The following MCRIP2 variants were observed in gnomAD, a reference collection of about 807,000 sequenced individuals.
MCRIP2 encodes the protein MAPK regulated co-repressor interacting protein 2.
MCRIP2 carries 21 observed loss-of-function variants against 23.2 expected under a neutral mutation model. That is an observed-to-expected ratio of 0.90 (90% CI 0.64 to 1.30). The LOEUF (loss-of-function observed/expected upper bound fraction) is 1.30. Ranked by LOEUF, MCRIP2 falls within the 50% of genes most tolerant of loss-of-function variation. The pLI is 0.00. For synonymous variants in MCRIP2, 121 were observed against 100.2 expected (o/e 1.21, Z -1.24); for missense variants, 234 against 223.2 (o/e 1.05, Z -0.31).
intron 2 of MCRIP2, among the ~76,000 whole-genome samples, chr16:643,823 C>T (rs1297225663): frequency 1.3e-5 from 2 of 152,170 alleles, no homozygotes; most frequent in African/African-American, 4.8e-5. Context: ...TGAGCTACCG[C>T]GCCCGGCCTG....
In MCRIP2 at chr16:647,530, G is replaced by A. The variant is rs748945838; in HGVS notation, c.296G>A (p.Arg99His). 5 of 1,613,236 alleles carry A rather than the reference G, an allele frequency of 3.1e-6. No homozygotes were observed. The highest frequency in any genetic ancestry group is 2.7e-5 in the African/African-American group (2 of 74,940). Residue 99 changes from arginine (R) to histidine (H), a missense_variant, in exon 3 of 5, where the codon CGC becomes CAC. Arg to His is a conservative substitution (Grantham distance 29). Coordinates refer to ENST00000307650, the MANE Select transcript of MCRIP2 (RefSeq NM_138418.4). ...TYTVAHEENV[R>H]FVSEAWQQVQ... ...ACAGTGGCCCACGAGGAGAATGTCCGCTTTGTGTCCGAAGGTAGCGAGCGG... is the reference window on the plus strand; with the variant it reads ...ACAGTGGCCCACGAGGAGAATGTCCACTTTGTGTCCGAAGGTAGCGAGCGG...
chr16:642,016 A>T lies in MCRIP2; in HGVS notation c.25A>T (p.Ser9Cys). 7.5e-7 allele frequency: 1 copy of T among 1,327,906 alleles called. No individual in the cohort carries two copies. The highest frequency in any genetic ancestry group is 9.6e-7 in the Non-Finnish European group (1 of 1,040,900). 82.3% of individuals were successfully genotyped at this position (1,327,906 alleles called of 1,614,324 possible). Reference sequence around the variant, plus strand: ...CATGTACACCATCACCAAGGGGCCCAGCAAGCTGGTCGCGCAGCGCCGCAC... The same window carrying T: ...CATGTACACCATCACCAAGGGGCCCTGCAAGCTGGTCGCGCAGCGCCGCAC... MYTITKGP[S>C]KLVAQRRTGP... The change falls in exon 1 of 5, where the codon AGC (serine) becomes TGC (cysteine). Residue 9 changes from serine to cysteine, a missense_variant. Transcript: ENST00000307650.
In MCRIP2 at chr16:647,898, C is replaced by G; in HGVS notation, c.412+14C>G. 1 of 1,462,776 alleles carries G rather than the reference C, an allele frequency of 6.8e-7. No homozygotes were observed. The highest frequency in any genetic ancestry group is 9.3e-7 in the Non-Finnish European group (1 of 1,078,408). The allele number at this position is 1,462,776 out of a possible 1,614,324, so 90.6% of individuals were successfully genotyped here. A position where few individuals can be genotyped will look rare whatever the true frequency, so the allele number is the denominator to read the frequency against. On this transcript the variant is annotated intron_variant, in intron 4 of 4. Coordinates refer to ENST00000307650, the MANE Select transcript of MCRIP2 (RefSeq NM_138418.4). ...CCCGGCTGCAGAGTGAGCCCCCCAA[C>G]CCTGTCCCCCCAGGAGAGACCCCCC...
rs1181104436 is a variant in MCRIP2, at chr16:646,663, G to A, written c.183-754G>A. 3 of 152,154 alleles carry A rather than the reference G, an allele frequency of 2.0e-5. No individual in the cohort carries two copies. The highest frequency in any genetic ancestry group is 1.9e-4 in the East Asian group (1 of 5,170). 9.4% of individuals were successfully genotyped at this position (152,154 alleles called of 1,614,324 possible). A position where few individuals can be genotyped will look rare whatever the true frequency, so the allele number is the denominator to read the frequency against. ...CCCGGGCTTTGTGTGCTCAGGGCTC[G>A]GCCAGCTGGGGCCGCTCATCCCTGC... is the stretch of plus-strand genomic sequence containing the variant. On this transcript the variant is annotated intron_variant, in intron 2 of 4. Coordinates refer to ENST00000307650, the MANE Select transcript of MCRIP2 (RefSeq NM_138418.4). This position sits in a 1 kb window ranked among gnomAD's most constrained non-coding sequence, Gnocchi z 6.5.
chr16:647,768 G>A lies in MCRIP2; in HGVS notation c.311-15G>A. 1 of 1,553,972 alleles carries A rather than the reference G, an allele frequency of 6.4e-7. No individual in the cohort carries two copies. Among genetic ancestry groups the A allele is most frequent in the Non-Finnish European group, 8.7e-7 (1 of 1,149,456 alleles). On this transcript the variant is annotated splice_polypyrimidine_tract_variant and intron_variant, in intron 3 of 4. Coordinates refer to ENST00000307650, the MANE Select transcript of MCRIP2 (RefSeq NM_138418.4). ...GCCTGGGACCTGGCTCAGCCCGACT[G>A]CCCTCCTCCCACAGCCTGGCAGCAG...
intron 2 of MCRIP2, among the ~76,000 whole-genome samples, chr16:644,705 G>A (rs187339846): frequency 5.3e-4 from 81 of 152,232 alleles, no homozygotes; most frequent in African/African-American, 1.8e-3. Flanking sequence ...CTGTGGAAGC[G>A]TTGGGGTTAT....
At position 642,250 on chromosome 16, in the gene MCRIP2, G is replaced by A. The variant is rs2037363169; in HGVS notation, c.182+1G>A. Reference sequence around the variant, plus strand: ...CGCCGGGACCCTGGCCCCTGTCGAGGTGAGACGCGCGCGGCCCCGGCCCGG... The same window carrying A: ...CGCCGGGACCCTGGCCCCTGTCGAGATGAGACGCGCGCGGCCCCGGCCCGG... On this transcript the variant is annotated splice_donor_variant, in intron 2 of 4. Transcript: ENST00000307650. LOFTEE classifies it high-confidence loss of function. The A allele has an allele frequency of 4.2e-6, 5 of 1,186,930 alleles. No homozygotes were observed. The highest frequency in any genetic ancestry group is 7.8e-5 in the South Asian group (2 of 25,734). 73.5% of individuals were successfully genotyped at this position (1,186,930 alleles called of 1,614,324 possible).
In MCRIP2 at chr16:642,012, G is replaced by A; in HGVS notation, c.21G>A (p.Gly7=). 7.5e-7 allele frequency: 1 copy of A among 1,328,226 alleles called. No homozygotes were observed. Among genetic ancestry groups the A allele is most frequent in the Non-Finnish European group, 9.6e-7 (1 of 1,041,064 alleles). 82.3% of individuals were successfully genotyped at this position (1,328,226 alleles called of 1,614,324 possible). The change falls in exon 1 of 5, where the codon GGG becomes GGA. Residue 7 remains glycine (G), a synonymous_variant. Coordinates refer to ENST00000307650, the MANE Select transcript of MCRIP2 (RefSeq NM_138418.4). ...GCGTCATGTACACCATCACCAAGGG[G>A]CCCAGCAAGCTGGTCGCGCAGCGCC... MYTITK[G]PSKLVAQRRT...
rs377641291 is a variant in MCRIP2 at position 647,549 on chromosome 16, C to T, written c.310+5C>T. The T allele has an allele frequency of 1.2e-5, 19 of 1,612,988 alleles. No individual in the cohort carries two copies. Among genetic ancestry groups the T allele is most frequent in the Middle Eastern group, 1.7e-4 (1 of 6,056 alleles). On this transcript the variant is annotated splice_donor_5th_base_variant and intron_variant, in intron 3 of 4. Transcript: ENST00000307650. ...ATGTCCGCTTTGTGTCCGAAGGTAG[C>T]GAGCGGGGCCAGAGGGTGCGGCATA...
chr16:642,988 C>T (rs1373509699), intron 2 of MCRIP2: 1 of 152,592 alleles, frequency 6.6e-6, no homozygotes, highest in Non-Finnish European at 1.5e-5. Context: ...GGGTCATGGC[C>T]TGAGGCGGTG....
In MCRIP2 at chr16:641,910, C is replaced by G; in HGVS notation, c.-82C>G. ...TAGCGGGCCCGCCCCCTCCCCGCGG[C>G]GCCCGCAGTCCGTTAAGTGCGAGCC... On this transcript the variant is annotated 5_prime_UTR_variant, in exon 1 of 5. Coordinates refer to ENST00000307650, the MANE Select transcript of MCRIP2 (RefSeq NM_138418.4). The G allele has an allele frequency of 8.3e-7, 1 of 1,200,392 alleles. No individual in the cohort carries two copies. The highest frequency in any genetic ancestry group is 1.0e-6 in the Non-Finnish European group (1 of 953,836). The allele number at this position is 1,200,392 out of a possible 1,614,324, so 74.4% of individuals were successfully genotyped here.
chr16:644,590 C>T (rs1169171507), intron 2 of MCRIP2, among the ~76,000 whole-genome samples: 2 of 152,134 alleles, frequency 1.3e-5, no homozygotes, highest in Non-Finnish European at 2.9e-5. Flanking sequence ...GGATGACAGG[C>T]GAGCACCACA....
chr16:644,151 C>T (rs1379351321), intron 2 of MCRIP2, among the ~76,000 whole-genome samples: 2 of 151,572 alleles, frequency 1.3e-5, no homozygotes, highest in African/African-American at 4.9e-5. Context: ...GCAGGATCTC[C>T]GCTCACCGCA....
intron 2 of MCRIP2, 182 bp downstream of exon 2, chr16:642,431 C>T (rs1200903735): frequency 4.5e-6 from 2 of 442,028 alleles, no homozygotes; most frequent in Non-Finnish European, 6.5e-6. Flanking sequence ...CGGGCCTGCG[C>T]CTCGCACTTC....
Position 642,049 on chromosome 16 carries a change from C to A in MCRIP2, c.52+6C>A. 1.5e-6 allele frequency: 2 copies of A among 1,321,690 alleles called. No individual in the cohort carries two copies. The highest frequency in any genetic ancestry group is 2.0e-5 in the South Asian group (1 of 49,612). 81.9% of individuals were successfully genotyped at this position (1,321,690 alleles called of 1,614,324 possible). On this transcript the variant is annotated splice_donor_region_variant and intron_variant, in intron 1 of 4. Transcript: ENST00000307650. ...GGTCGCGCAGCGCCGCACAGGTGCG[C>A]ACGGGCCGGGGAACGGGAACGGGGA...
intron 2 of MCRIP2, 137 bp from the exon 3 acceptor site, chr16:647,280 C>T: frequency 7.9e-7 from 1 of 1,270,982 alleles, no homozygotes; most frequent in African/African-American, 1.5e-5. Flanking sequence ...TGGGTGGCTG[C>T]TCTCTCTGGT....
At position 646,985 on chromosome 16, in the gene MCRIP2, A is replaced by C; in HGVS notation, c.183-432A>C. ...CTGTGGGGCGAGAATGTGGCCTAGA[A>C]CTACACCCAGAGTGGGGGGGTTGGG... is the stretch of plus-strand genomic sequence containing the variant. On this transcript the variant is annotated intron_variant, in intron 2 of 4. Coordinates refer to ENST00000307650, the MANE Select transcript of MCRIP2 (RefSeq NM_138418.4). This position sits in a 1 kb window ranked among gnomAD's most constrained non-coding sequence, Gnocchi z 6.5. 5.2e-6 allele frequency: 1 copy of C among 193,156 alleles called. No homozygotes were observed. Among genetic ancestry groups the C allele is most frequent in the South Asian group, 1.0e-4 (1 of 10,024 alleles). 12.0% of individuals were successfully genotyped at this position (193,156 alleles called of 1,614,324 possible).
intron 2 of MCRIP2, chr16:645,749 C>G (rs912604355): frequency 1.3e-5 from 2 of 152,518 alleles, no homozygotes; most frequent in Admixed American, 6.5e-5. Flanking sequence ...AAGGGGCAGC[C>G]TGCAAGAGAC....
At chr16:642,505 G>A (rs1012593717) in intron 2 of MCRIP2, 1 of 219,296 alleles carries the variant, frequency 4.6e-6, no homozygotes, top group Non-Finnish European at 8.7e-6. Context: ...TGGGTCGCAG[G>A]GGCCTCCAGC....
Sources: gnomAD v4.1 joint callset for allele counts (sites outside exome capture counted in the v4.1 genomes callset) on GRCh38, gnomAD v4.1.1 for gene constraint, Gnocchi (gnomAD v3.1) non-coding constraint, MANE v1.5 for transcripts, NCBI Gene and HGNC (gene_info 2026-07-23, HGNC 2026-07-21) for gene names.